Variants in GPC6 observed in about 807,000 individuals in gnomAD.
GPC6 encodes the protein glypican 6, also known as glypican-6.
A neutral mutation model predicts 55.2 loss-of-function variants in GPC6; 14 were observed. The ratio of observed to expected loss-of-function variants is 0.25; its 90% CI spans 0.17 to 0.40. The LOEUF (loss-of-function observed/expected upper bound fraction) is 0.40, where lower values mean the gene tolerates loss of function less well. GPC6 is among the 10% of genes least tolerant of loss of function. The pLI is 1.00. For missense variants in GPC6, 641 were observed against 708.5 expected (o/e 0.90, Z 1.08); for synonymous variants, 278 against 259.6 (o/e 1.07, Z -0.68).
At chr13:94,213,149 G>C (rs1214331758) in intron 4 of GPC6, among the ~76,000 whole-genome samples, 1 of 152,114 alleles carries the variant, frequency 6.6e-6, no homozygotes, top group Non-Finnish European at 1.5e-5. Flanking sequence ...TAGCAAGACT[G>C]TGTCTCAAAA....
At chr13:94,047,134 T>C (rs1199049415) in intron 4 of GPC6, among the ~76,000 whole-genome samples, 9 of 152,136 alleles carry the variant, frequency 5.9e-5, no homozygotes, top group Non-Finnish European at 1.3e-4. Context: ...CCCTTTAGTA[T>C]GTCACTGAAT....
chr13:94,292,149 C>T (rs1875020037), intron 5 of GPC6, among the ~76,000 whole-genome samples: 1 of 152,142 alleles, frequency 6.6e-6, no homozygotes, highest in South Asian at 2.1e-4. Flanking sequence ...TTCGCAAAGA[C>T]AGAAAAGTTA....
chr13:93,824,985 T>C (rs186837920), intron 2 of GPC6, among the ~76,000 whole-genome samples: 1 of 152,206 alleles, frequency 6.6e-6, no homozygotes, highest in Admixed American at 6.5e-5. Flanking sequence ...TTCAATTCCT[T>C]CCATTTAAGA....
chr13:93,231,346 CATATATATATATACGTAT>C (rs1876011824), intron 1 of GPC6, among the ~76,000 whole-genome samples: 2 of 24,176 alleles, frequency 8.3e-5, no homozygotes, highest in Non-Finnish European at 1.6e-4. Context: ...TATATATATA[CATATATATATATACGTAT>C]ATATATATAT....
Position 93,278,433 on chromosome 13 carries a change from T to C in GPC6, c.160+50817T>C, listed in dbSNP as rs549347924. ...CCATTAAACATGGATTCTCCCTTTTTCTTGCATCCAGCCCTTGGCAACCAC... is the reference window on the plus strand; with the variant it reads ...CCATTAAACATGGATTCTCCCTTTTCCTTGCATCCAGCCCTTGGCAACCAC... On this transcript the variant is annotated intron_variant, in intron 1 of 8. Transcript: ENST00000377047. Among the ~76,000 whole-genome samples, 6 of 152,338 alleles carry C rather than the reference T, an allele frequency of 3.9e-5. No individual in the cohort carries two copies. In the East Asian group the frequency reaches 1.2e-3, roughly 29 times the overall value.
intron 4 of GPC6, among the ~76,000 whole-genome samples, chr13:94,044,183 T>C (rs1308382292): frequency 6.6e-6 from 1 of 151,908 alleles, no homozygotes; most frequent in Non-Finnish European, 1.5e-5. Flanking sequence ...TCTCTTTAGT[T>C]TGTGGTTTAT....
chr13:93,554,244 G>T (rs1453368875), intron 2 of GPC6, among the ~76,000 whole-genome samples: 1 of 152,054 alleles, frequency 6.6e-6, no homozygotes, highest in African/African-American at 2.4e-5. Flanking sequence ...AATGTCAGCG[G>T]TTGTTACTGC....
At chr13:94,065,097 A>AT (rs11362946) in intron 4 of GPC6, among the ~76,000 whole-genome samples, 24 of 149,028 alleles carry the variant, frequency 1.6e-4, no homozygotes, top group South Asian at 6.3e-4. Context: ...CTTTATACCC[A>AT]TTTTTTTTTT....
intron 6 of GPC6, among the ~76,000 whole-genome samples, chr13:94,380,822 A>T (rs1009902837): frequency 6.6e-6 from 1 of 152,230 alleles, no homozygotes; most frequent in Non-Finnish European, 1.5e-5. Context: ...CATTTAGTCC[A>T]GAGCCCTCTG....
At chr13:94,208,864 C>G (rs1889987177) in intron 4 of GPC6, among the ~76,000 whole-genome samples, 1 of 150,960 alleles carries the variant, frequency 6.6e-6, no homozygotes, top group Admixed American at 6.6e-5. Context: ...GAGCTCAAGG[C>G]TGCTGTGAGC....
At chr13:93,287,061 T>G (rs771348691) in intron 1 of GPC6, among the ~76,000 whole-genome samples, 2 of 152,202 alleles carry the variant, frequency 1.3e-5, no homozygotes, top group Non-Finnish European at 2.9e-5. Flanking sequence ...ATGAGGCATA[T>G]TTGAAACATA....
chr13:93,929,507 A>G (rs1404509740), intron 3 of GPC6, among the ~76,000 whole-genome samples: 3 of 152,170 alleles, frequency 2.0e-5, no homozygotes, highest in Admixed American at 6.5e-5. Context: ...CTGACAATAT[A>G]CCAATTATGC....
chr13:93,626,421 G>A (rs551476246), intron 2 of GPC6, among the ~76,000 whole-genome samples: 11 of 152,236 alleles, frequency 7.2e-5, no homozygotes, highest in African/African-American at 2.6e-4. Context: ...CTTATGTTAT[G>A]AGCCACACCC....
intron 1 of GPC6, among the ~76,000 whole-genome samples, chr13:93,475,663 A>G (rs1335950720): frequency 6.6e-6 from 1 of 152,204 alleles, no homozygotes; most frequent in African/African-American, 2.4e-5. Context: ...GTACTTAGGG[A>G]GAAAGAGATT....
intron 4 of GPC6, among the ~76,000 whole-genome samples, chr13:94,067,261 A>G (rs1002387801): frequency 2.0e-5 from 3 of 152,194 alleles, no homozygotes; most frequent in East Asian, 1.9e-4. Flanking sequence ...TTATTCATAC[A>G]TCATAAAATT....
chr13:93,418,950 T>C (rs567833941), intron 1 of GPC6, among the ~76,000 whole-genome samples: 102 of 151,252 alleles, frequency 6.7e-4, no homozygotes, highest in Middle Eastern at 6.9e-3. Flanking sequence ...ATTATTTTAT[T>C]AATAGCACTA....
intron 1 of GPC6, among the ~76,000 whole-genome samples, chr13:93,332,044 T>G (rs1395498037): frequency 6.6e-6 from 1 of 152,150 alleles, no homozygotes; most frequent in African/African-American, 2.4e-5. Flanking sequence ...AGTTCATTCT[T>G]TTTTAAGACT....
chr13:94,043,674 C>T (rs187955664), intron 4 of GPC6, among the ~76,000 whole-genome samples: 2 of 151,854 alleles, frequency 1.3e-5, no homozygotes, highest in Admixed American at 6.6e-5. Context: ...CATCTTTCTC[C>T]AACAATGAGA....
chr13:94,282,917 C>T (rs1052025244), intron 4 of GPC6, among the ~76,000 whole-genome samples: 3 of 152,208 alleles, frequency 2.0e-5, no homozygotes, highest in African/African-American at 4.8e-5. Flanking sequence ...CCCACCTCTC[C>T]GTGAAAAGAG....
Sources: allele counts gnomAD v4.1 joint callset (sites outside exome capture counted in the v4.1 genomes callset), GRCh38; gene constraint gnomAD v4.1.1; transcripts MANE v1.5; gene names NCBI Gene and HGNC (gene_info 2026-07-23, HGNC 2026-07-21).